The following LARGE1 variants were observed in gnomAD, a reference collection of about 807,000 sequenced individuals.
The protein encoded by LARGE1 is xylosyl- and glucuronyltransferase LARGE1.
LARGE1 carries 43 observed loss-of-function variants against 87.6 expected under a neutral mutation model. That is an observed-to-expected ratio of 0.49 (90% confidence interval 0.38 to 0.63). The LOEUF is 0.63. Among genes scored for constraint, LARGE1 ranks in the 30% least tolerant of loss-of-function variants. The pLI is 0.00. For missense variants in LARGE1, 802 were observed against 1,000.2 expected (o/e 0.80, Z 2.67); for synonymous variants, 434 against 394.6 (o/e 1.10, Z -1.18).
chr22:33,439,750 A>G (rs2067402356), intron 6 of LARGE1, among the ~76,000 whole-genome samples: 1 of 152,090 alleles, frequency 6.6e-6, no homozygotes, highest in South Asian at 2.1e-4. Flanking sequence ...GCTGTTCCAC[A>G]ATGACTTTCA....
In LARGE1 at chr22:33,427,949, C is replaced by G. The variant is rs374507678; in HGVS notation, c.892+4212G>C. On this transcript the variant is annotated intron_variant, in intron 7 of 14. Coordinates refer to ENST00000397394, the MANE Select transcript of LARGE1 (RefSeq NM_133642.5). Reference sequence around the variant, plus strand: ...TGGGGATTTTCAAAGTAAAACACAGCGAGGAAGCTGATATGCGAACTAAAT... The same window carrying G: ...TGGGGATTTTCAAAGTAAAACACAGGGAGGAAGCTGATATGCGAACTAAAT... Among the ~76,000 whole-genome samples the G allele has an allele frequency of 2.0e-5, 3 of 152,122 alleles. No individual in the cohort carries two copies. The South Asian group carries it at 6.2e-4, about 32-fold the overall frequency.
intron 11 of LARGE1, among the ~76,000 whole-genome samples, chr22:33,184,995 T>C (rs1923400634): frequency 6.6e-6 from 1 of 152,290 alleles, no homozygotes; most frequent in East Asian, 1.9e-4. Flanking sequence ...GACAGTTTGA[T>C]AGTTTCTTAT....
intron 7 of LARGE1, among the ~76,000 whole-genome samples, chr22:33,431,665 G>A (rs1354121553): frequency 6.6e-6 from 1 of 152,176 alleles, no homozygotes; most frequent in Non-Finnish European, 1.5e-5. Flanking sequence ...AAAACTTTAA[G>A]AGATAATACA....
rs373150670 is a variant in LARGE1, at chr22:33,750,142, G to A, written c.106+11229C>T. On this transcript the variant is annotated intron_variant, in intron 2 of 14. Transcript: ENST00000397394. ...CAACCACTGCCATACGCAGATACCA[G>A]AAGCTCTTCCCTCTCAATTCTGTTC... Among the ~76,000 whole-genome samples, 32 of 152,286 alleles carry A rather than the reference G, an allele frequency of 2.1e-4. No homozygotes were observed. In the South Asian group the frequency reaches 4.8e-3, roughly 23 times the overall value.
At chr22:33,898,449 A>G (rs1247629419) in intron 1 of LARGE1, among the ~76,000 whole-genome samples, 2 of 152,224 alleles carry the variant, frequency 1.3e-5, no homozygotes, top group Non-Finnish European at 2.9e-5. Context: ...CCACAAGATC[A>G]TTACAAGATT....
chr22:33,503,058 T>C (rs1304478547), intron 6 of LARGE1, among the ~76,000 whole-genome samples: 1 of 152,184 alleles, frequency 6.6e-6, no homozygotes, highest in African/African-American at 2.4e-5. Flanking sequence ...TCAGAAACTC[T>C]ACAGCATGGC....
chr22:33,811,917 G>A (rs1025733568), intron 1 of LARGE1, among the ~76,000 whole-genome samples: 1 of 152,158 alleles, frequency 6.6e-6, no homozygotes, highest in African/African-American at 2.4e-5. Flanking sequence ...GAAAGAAAAA[G>A]ACCAGAACAC....
intron 9 of LARGE1, among the ~76,000 whole-genome samples, chr22:33,346,365 C>T (rs1297939468): frequency 1.3e-5 from 2 of 151,424 alleles, no homozygotes; most frequent in South Asian, 2.1e-4. Context: ...TGCAATGATG[C>T]GATCTCAGCT....
intron 1 of LARGE1, among the ~76,000 whole-genome samples, chr22:33,788,913 T>G (rs2145966883): frequency 6.6e-6 from 1 of 152,310 alleles, no homozygotes; most frequent in African/African-American, 2.4e-5. Context: ...AGCATAAAAG[T>G]TTTGAAAATC....
At chr22:33,576,835 T>G (rs2078368307) in intron 5 of LARGE1, among the ~76,000 whole-genome samples, 1 of 152,162 alleles carries the variant, frequency 6.6e-6, no homozygotes, top group Non-Finnish European at 1.5e-5. Context: ...GCAATGTAAA[T>G]ACTATGTAAA....
chr22:33,886,167 C>A (rs1247505350), intron 1 of LARGE1, among the ~76,000 whole-genome samples: 1 of 152,186 alleles, frequency 6.6e-6, no homozygotes, highest in Non-Finnish European at 1.5e-5. Flanking sequence ...AGCCAGCCCA[C>A]AGCAATCCTG....
At chr22:33,071,091 G>A in the LARGE1 span, among the ~76,000 whole-genome samples, 1 of 152,172 alleles carries the variant, frequency 6.6e-6, no homozygotes, top group Non-Finnish European at 1.5e-5. Context: ...TACCCTTTTG[G>A]AGATTTGCAA....
intron 6 of LARGE1, among the ~76,000 whole-genome samples, chr22:33,514,690 G>A (rs1449034696): frequency 6.6e-6 from 1 of 152,184 alleles, no homozygotes; most frequent in Non-Finnish European, 1.5e-5. Flanking sequence ...CTACGGATAT[G>A]AAGGGACAAC....
Position 33,888,321 on chromosome 22 carries a change from C to T in LARGE1, c.-83+31674G>A, listed in dbSNP as rs1252368724. On this transcript the variant is annotated intron_variant, in intron 1 of 14. Transcript: ENST00000397394. ...ACATCCATGAGCCCATGAAGGAACA[C>T]TGTTTGAGAAACAAACTCCTTCCTC... is the stretch of plus-strand genomic sequence containing the variant. Among the ~76,000 whole-genome samples, 3 of 152,318 alleles carry T rather than the reference C, an allele frequency of 2.0e-5. No individual in the cohort carries two copies. In the East Asian group the frequency reaches 5.8e-4, roughly 29 times the overall value.
At chr22:33,445,626 C>T (rs929119520) in intron 6 of LARGE1, among the ~76,000 whole-genome samples, 6 of 151,492 alleles carry the variant, frequency 4.0e-5, no homozygotes, top group Non-Finnish European at 7.4e-5. Flanking sequence ...AGGGGCAACA[C>T]CTTTTGTTCT....
At chr22:33,541,054 C>CGGGGGGGG (rs57583473) in intron 6 of LARGE1, among the ~76,000 whole-genome samples, 1 of 13,720 alleles carries the variant, frequency 7.3e-5, no homozygotes, top group African/African-American at 1.7e-4. Flanking sequence ...TGGTGGGTTG[C>CGGGGGGGG]GGGGGGGGGG....
intron 6 of LARGE1, among the ~76,000 whole-genome samples, chr22:33,506,675 T>C (rs927383290): frequency 6.6e-6 from 1 of 151,682 alleles, no homozygotes; most frequent in Non-Finnish European, 1.5e-5. Context: ...CTGAGGCGGG[T>C]AGATCACCTG....
At chr22:33,754,380 A>G (rs2084430914) in intron 2 of LARGE1, among the ~76,000 whole-genome samples, 1 of 150,702 alleles carries the variant, frequency 6.6e-6, no homozygotes, top group African/African-American at 2.4e-5. Context: ...TCTGTCACGC[A>G]GGCTGGAGTG....
intron 2 of LARGE1, among the ~76,000 whole-genome samples, chr22:33,730,652 G>A (rs1238829185): frequency 1.3e-5 from 2 of 152,098 alleles, no homozygotes; most frequent in Non-Finnish European, 2.9e-5. Flanking sequence ...GATGAGAAGT[G>A]GAGAGGGGGT....
Sources: allele counts gnomAD v4.1 joint callset (sites outside exome capture counted in the v4.1 genomes callset), GRCh38; gene constraint gnomAD v4.1.1; transcripts MANE v1.5; gene names NCBI Gene and HGNC (gene_info 2026-07-23, HGNC 2026-07-21).